The following DDX18 variants were observed in gnomAD, a reference collection of about 807,000 sequenced individuals.
The protein encoded by DDX18 is ATP-dependent RNA helicase DDX18.
A neutral mutation model predicts 73.5 loss-of-function variants in DDX18; 23 were observed. That is an observed-to-expected ratio of 0.31 (90% CI 0.23 to 0.44). DDX18 has a LOEUF of 0.44. Among genes scored for constraint, DDX18 ranks in the 20% least tolerant of loss-of-function variants. The pLI is 1.00. For synonymous variants in DDX18, 268 were observed against 282.7 expected (o/e 0.95, Z 0.52); for missense variants, 753 against 792.9 (o/e 0.95, Z 0.60).
Position 117,830,682 on chromosome 2 carries a change from C to T in DDX18, c.1971C>T (p.His657=). ...TTGAGAAATCCAAAATCTTTAAACA[C>T]ATTAGCAAGAAATCATCTGACAGCA... ...KKVEKSKIFK[H]ISKKSSDSRQ... Residue 657 remains histidine, a synonymous_variant, in exon 14 of 14, where the codon CAC becomes CAT. Transcript: ENST00000263239. The T allele has an allele frequency of 6.2e-7, 1 of 1,613,712 alleles. No individual in the cohort carries two copies. Among genetic ancestry groups the T allele is most frequent in the Non-Finnish European group, 8.5e-7 (1 of 1,179,764 alleles).
chr2:117,821,696 T>G lies in DDX18; in HGVS notation c.697T>G (p.Phe233Val). Residue 233 changes from phenylalanine to valine, a missense_variant, in exon 5 of 14, where the codon TTT (phenylalanine) becomes GTT (valine). By Grantham distance (50) the Phe-to-Val change is conservative. Around this residue, in one of 3 missense-constraint regions of DDX18, gnomAD observed 345 missense variants for 352.0 expected, o/e 0.98. Transcript: ENST00000263239. ...AACAGGCAGTGGTAAAACCCTGGCTTTTCTCATCCCTGCAGTTGAACTCAT... is the reference window on the plus strand; with the variant it reads ...AACAGGCAGTGGTAAAACCCTGGCTGTTCTCATCCCTGCAGTTGAACTCAT... ...AKTGSGKTLA[F>V]LIPAVELIVK... 6.2e-7 allele frequency: 1 copy of G among 1,614,040 alleles called. No homozygotes were observed. Among genetic ancestry groups the G allele is most frequent in the South Asian group, 1.1e-5 (1 of 91,084 alleles).
At position 117,826,034 on chromosome 2, in the gene DDX18, C is replaced by CTTTTTTTT. The variant is rs59119058; in HGVS notation, c.1522-214_1522-207dup. On this transcript the variant is annotated intron_variant, in intron 10 of 13. Transcript: ENST00000263239. The stretch of plus-strand genomic sequence containing the variant: ...TGTTAATGCAAACATCATGTCCAGC[C>CTTTTTTTT]TTTTTTTTTTTTTTTTTTTTTTTTT... 1.6e-4 allele frequency: 16 copies of CTTTTTTTT among 97,290 alleles called. 4 individuals are homozygous for CTTTTTTTT. The highest frequency in any genetic ancestry group is 9.1e-4 in the African/African-American group (11 of 12,048). The allele number at this position is 97,290 out of a possible 1,614,324, so 6.0% of individuals were successfully genotyped here. A position where few individuals can be genotyped will look rare whatever the true frequency, so the allele number is the denominator to read the frequency against.
chr2:117,824,995 A>T lies in DDX18; in HGVS notation c.1262A>T (p.Lys421Met). Residue 421 changes from lysine to methionine, a missense_variant, in exon 9 of 14, where the codon AAG becomes ATG. Around this residue, in one of 3 missense-constraint regions of DDX18, gnomAD observed 402 missense variants for 419.4 expected, o/e 0.96. Transcript: ENST00000263239. ...KRFLLLFTFL[K>M]KNRKKKLMVF... ...TTCCTTCTGCTCTTTACATTCCTTA[A>T]GAAGAACCGAAAGAAGAAGCTTATG... The T allele has an allele frequency of 6.2e-7, 1 of 1,613,916 alleles. No individual in the cohort carries two copies. Among genetic ancestry groups the T allele is most frequent in the Non-Finnish European group, 8.5e-7 (1 of 1,179,926 alleles).
chr2:117,818,123 T>TG (rs961778447), intron 2 of DDX18, among the ~76,000 whole-genome samples: 1 of 152,148 alleles, frequency 6.6e-6, no homozygotes, highest in African/African-American at 2.4e-5. Context: ...TCTGAATAAA[T>TG]GGAACATTAA....
At chr2:117,828,295 G>A (rs1404913564) in intron 11 of DDX18, 1 of 152,188 alleles carries the variant, frequency 6.6e-6, no homozygotes, top group Non-Finnish European at 1.5e-5. Context: ...TACCATCAGA[G>A]TGAACAGGCA....
intron 8 of DDX18, 88 bp downstream of exon 8, chr2:117,824,796 G>T (rs1009667841): frequency 2.0e-6 from 3 of 1,477,892 alleles, no homozygotes; most frequent in Non-Finnish European, 2.7e-6. Context: ...AAGCAAATGG[G>T]TTAATGAACT....
intron 7 of DDX18, among the ~76,000 whole-genome samples, chr2:117,822,972 G>A (rs908037456): frequency 9.2e-5 from 14 of 152,306 alleles, no homozygotes; most frequent in Non-Finnish European, 1.2e-4. Context: ...AAACCTAGGA[G>A]TGTCCTAGTT....
At chr2:117,829,202 GC>G (rs1322262827) in intron 12 of DDX18, 86 bp from the exon 13 acceptor site, 2 of 1,396,854 alleles carry the variant, frequency 1.4e-6, no homozygotes, top group African/African-American at 2.9e-5. Flanking sequence ...CCATGGAGTG[GC>G]TTTGCTCTAG....
At position 117,817,703 on chromosome 2, in the gene DDX18, A is replaced by T; in HGVS notation, c.345A>T (p.Arg115Ser). The change falls in exon 2 of 14, where the codon AGA (arginine) becomes AGT (serine). Residue 115 changes from arginine (R) to serine (S), a missense_variant. Coordinates refer to ENST00000263239, the MANE Select transcript of DDX18 (RefSeq NM_006773.4). ...CAAAAAAGAAAAAGAAGAAAAAGAGAAAAATGGTGAATGATGCTGAGCCTG... is the reference window on the plus strand; with the variant it reads ...CAAAAAAGAAAAAGAAGAAAAAGAGTAAAATGGTGAATGATGCTGAGCCTG... The part of the protein sequence containing the change: ...SESKKKKKKK[R>S]KMVNDAEPDT... The T allele has an allele frequency of 1.2e-6, 2 of 1,603,778 alleles. No individual in the cohort carries two copies. Among genetic ancestry groups the T allele is most frequent in the East Asian group, 2.2e-5 (1 of 44,820 alleles).
intron 1 of DDX18, chr2:117,815,820 A>G (rs11689073): frequency 0.4 from 60,108 of 152,080 alleles, 13,115 homozygotes; most frequent in East Asian, 0.54. Context: ...CATGCATCGC[A>G]TAACAGGAGG....
intron 2 of DDX18, among the ~76,000 whole-genome samples, chr2:117,818,921 A>G (rs1445183102): frequency 6.6e-6 from 1 of 152,174 alleles, no homozygotes; most frequent in African/African-American, 2.4e-5. Context: ...AGGTCCTACA[A>G]AGTTGACTCT....
intron 3 of DDX18, 95 bp from the exon 4 acceptor site, chr2:117,821,066 G>A: frequency 8.0e-7 from 1 of 1,251,280 alleles, no homozygotes; most frequent in Non-Finnish European, 1.1e-6. Context: ...CTTACTGCGG[G>A]AAGCTTTTCT....
chr2:117,829,647 C>G (rs1005118549), intron 13 of DDX18, among the ~76,000 whole-genome samples, 181 bp downstream of exon 13: 1 of 152,146 alleles, frequency 6.6e-6, no homozygotes, highest in African/African-American at 2.4e-5. Flanking sequence ...ATGGGGTAAG[C>G]AGGGCTTAAT....
chr2:117,815,333 C>G (rs1196202532), intron 1 of DDX18, among the ~76,000 whole-genome samples: 1 of 152,214 alleles, frequency 6.6e-6, no homozygotes, highest in East Asian at 1.9e-4. Context: ...GATACTATTG[C>G]CTTCCTCTAC....
intron 2 of DDX18, 147 bp downstream of exon 2, chr2:117,817,875 CATTTT>C: frequency 1.3e-6 from 1 of 760,794 alleles, no homozygotes; most frequent in Non-Finnish European, 2.0e-6. Context: ...CTAATGGAAA[CATTTT>C]ATTGGCAGAA....
intron 9 of DDX18, 54 bp from the exon 10 acceptor site, chr2:117,825,393 C>A: frequency 1.3e-6 from 2 of 1,581,600 alleles, no homozygotes; most frequent in Non-Finnish European, 8.6e-7. Context: ...GGGGGTTCTA[C>A]TGCTAGTCTT....
In DDX18 at chr2:117,830,940, G is replaced by A. The variant is rs1487927971; in HGVS notation, c.*216G>A. ...CTTTAAGTTTCTTGGTTGCCCAAGG[G>A]CAGAGCAAGGAATATCTGGTGTTTC... On this transcript the variant is annotated 3_prime_UTR_variant, in exon 14 of 14. Coordinates refer to ENST00000263239, the MANE Select transcript of DDX18 (RefSeq NM_006773.4). 2 of 538,182 alleles carry A rather than the reference G, an allele frequency of 3.7e-6. No individual in the cohort carries two copies. The highest frequency in any genetic ancestry group is 2.7e-5 in the South Asian group (1 of 37,362). The allele number at this position is 538,182 out of a possible 1,614,324, so 33.3% of individuals were successfully genotyped here. A position where few individuals can be genotyped will look rare whatever the true frequency, so the allele number is the denominator to read the frequency against.
chr2:117,819,931 TCTG>T, intron 3 of DDX18, 139 bp downstream of exon 3: 1 of 757,032 alleles, frequency 1.3e-6, no homozygotes, highest in Non-Finnish European at 1.9e-6. Flanking sequence ...TTTATATCTT[TCTG>T]CTGCTTTTTC....
In DDX18 at chr2:117,829,447, G is replaced by C. The variant is rs147464099; in HGVS notation, c.1851G>C (p.Val617=). Residue 617 remains valine (V), a synonymous_variant, in exon 13 of 14, where the codon GTG becomes GTC. Coordinates refer to ENST00000263239, the MANE Select transcript of DDX18 (RefSeq NM_006773.4). The stretch of plus-strand genomic sequence containing the variant: ...TTGCTCTGTCATTTGGTTTCAAGGT[G>C]CCTCCCTTCGTTGATCTGAGTATCC... ...PQVALSFGFK[V]PPFVDLNVNS... The C allele has an allele frequency of 6.2e-7, 1 of 1,610,084 alleles. No homozygotes were observed. Among genetic ancestry groups the C allele is most frequent in the East Asian group, 2.2e-5 (1 of 44,864 alleles).
Sources: allele counts gnomAD v4.1 joint callset (sites outside exome capture counted in the v4.1 genomes callset), GRCh38; gene constraint gnomAD v4.1.1; regional missense constraint gnomAD v4.1.1; transcripts MANE v1.5; gene names NCBI Gene and HGNC (gene_info 2026-07-23, HGNC 2026-07-21).